The following SNTG2 variants were observed in gnomAD, a reference collection of about 807,000 sequenced individuals.
SNTG2 encodes gamma-2-syntrophin.
In SNTG2, 74 loss-of-function variants were observed where a neutral mutation model predicts 70.9. That is an observed-to-expected ratio of 1.04 (90% CI 0.86 to 1.27). SNTG2 has a LOEUF of 1.27. Among genes scored for constraint, SNTG2 ranks in the 50% most tolerant of loss-of-function variants. SNTG2 has a pLI of 0.00. For missense variants in SNTG2, 717 were observed against 690.7 expected, an observed-to-expected ratio of 1.04 and a Z score of -0.43; for synonymous variants, 278 against 273.8, an observed-to-expected ratio of 1.02 and a Z score of -0.15.
rs570171643 is a variant in SNTG2 at position 1,356,133 on chromosome 2, A to G, written c.1489-11210A>G. ...TTGTAGGTATTTTCTCCTGTACCATAGGTTGCATTTACACTCTTCTGATTG... is the reference window on the plus strand; with the variant it reads ...TTGTAGGTATTTTCTCCTGTACCATGGGTTGCATTTACACTCTTCTGATTG... On this transcript the variant is annotated intron_variant, in intron 16 of 16. Transcript: ENST00000308624. 2.0e-5 allele frequency among the ~76,000 whole-genome samples: 3 copies of G among 152,294 alleles called. No individual in the cohort carries two copies. The South Asian group carries it at 6.2e-4, about 32-fold the overall frequency.
chr2:1,278,421 G>A (rs921419841), intron 14 of SNTG2, among the ~76,000 whole-genome samples: 37 of 152,238 alleles, frequency 2.4e-4, no homozygotes, highest in African/African-American at 8.9e-4. Context: ...GTGCTAGTGA[G>A]GTCTGCTGTT....
chr2:1,275,575 T>C (rs1679233661), intron 14 of SNTG2, among the ~76,000 whole-genome samples: 1 of 152,256 alleles, frequency 6.6e-6, no homozygotes, highest in Admixed American at 6.5e-5. Flanking sequence ...TGTGTTCTGA[T>C]TGCTCCACTG....
chr2:1,113,659 CAT>C (rs1666692284), intron 4 of SNTG2, among the ~76,000 whole-genome samples: 1 of 148,934 alleles, frequency 6.7e-6, no homozygotes, highest in South Asian at 2.1e-4. Context: ...TGAGGAGGAT[CAT>C]GTGTACTAAG....
intron 12 of SNTG2, among the ~76,000 whole-genome samples, chr2:1,251,429 C>T (rs1558597649): frequency 6.7e-6 from 1 of 149,562 alleles, no homozygotes; most frequent in Non-Finnish European, 1.5e-5. Context: ...CATGCACACA[C>T]CACACACCAC....
chr2:1,323,740 G>C (rs1208082850), intron 16 of SNTG2, among the ~76,000 whole-genome samples: 1 of 150,404 alleles, frequency 6.6e-6, no homozygotes, highest in Non-Finnish European at 1.5e-5. Flanking sequence ...CCCCCACCCA[G>C]TAGTGTGGGA....
At chr2:1,006,981 A>T (rs1382921170) in intron 1 of SNTG2, among the ~76,000 whole-genome samples, 2 of 152,158 alleles carry the variant, frequency 1.3e-5, no homozygotes, top group Admixed American at 1.3e-4. Flanking sequence ...GTGAGCCGAG[A>T]TTGTGCCACT....
chr2:1,311,959 A>C lies in SNTG2; in HGVS notation c.1377+3373A>C, dbSNP rs990264352. Among the ~76,000 whole-genome samples, 12 of 152,152 alleles carry C rather than the reference A, an allele frequency of 7.9e-5. No individual in the cohort carries two copies. The East Asian group carries it at 2.3e-3, about 30-fold the overall frequency. On this transcript the variant is annotated intron_variant, in intron 15 of 16. Coordinates refer to ENST00000308624, the MANE Select transcript of SNTG2 (RefSeq NM_018968.4). ...GTTCTGGACTTGGGAGGCCAACCCA[A>C]CTCATTTGCAGGGACATCCTCCTTC...
At chr2:973,544 T>A (rs1660814645) in intron 1 of SNTG2, among the ~76,000 whole-genome samples, 2 of 151,484 alleles carry the variant, frequency 1.3e-5, no homozygotes, top group African/African-American at 2.4e-5. Context: ...ATATATATTT[T>A]TTTTTACTTG....
Position 1,239,862 on chromosome 2 carries a change from G to T in SNTG2, c.888+86G>T, listed in dbSNP as rs533380812. ...TTCATGATGTAACACATCTCGAAAA[G>T]CAGTCTCTGGTTTTTTGAAATTTGA... On this transcript the variant is annotated intron_variant, in intron 11 of 16. Coordinates refer to ENST00000308624, the MANE Select transcript of SNTG2 (RefSeq NM_018968.4). 8 of 1,489,088 alleles carry T rather than the reference G, an allele frequency of 5.4e-6. No individual in the cohort carries two copies. The African/African-American group carries it at 9.7e-5, about 18-fold the overall frequency. The allele number at this position is 1,489,088 out of a possible 1,614,324, so 92.2% of individuals were successfully genotyped here. A position where few individuals can be genotyped will look rare whatever the true frequency, so the allele number is the denominator to read the frequency against.
intron 13 of SNTG2, among the ~76,000 whole-genome samples, chr2:1,263,731 T>A (rs1259443695): frequency 6.6e-6 from 1 of 152,236 alleles, no homozygotes; most frequent in Non-Finnish European, 1.5e-5. Flanking sequence ...TGAACTCATG[T>A]GAATCCGGGA....
At chr2:1,253,753 A>G (rs1677894236) in intron 12 of SNTG2, among the ~76,000 whole-genome samples, 2 of 152,218 alleles carry the variant, frequency 1.3e-5, no homozygotes, top group Non-Finnish European at 2.9e-5. Flanking sequence ...CAGTTCCGCA[A>G]GCTGTACAGG....
At chr2:1,263,683 C>T (rs1045933050) in intron 13 of SNTG2, among the ~76,000 whole-genome samples, 1 of 152,120 alleles carries the variant, frequency 6.6e-6, no homozygotes, top group Non-Finnish European at 1.5e-5. Flanking sequence ...CCTGGCTCAG[C>T]ATTGCCTTAG....
At position 1,250,831 on chromosome 2, in the gene SNTG2, G is replaced by C. The variant is rs552395236; in HGVS notation, c.1005+3388G>C. Reference sequence around the variant, plus strand: ...GTCCCTCAGAGACAGTTTCATCTTTGGTGTGGGAAACTGTGCCTTATCTTG... The same window carrying C: ...GTCCCTCAGAGACAGTTTCATCTTTCGTGTGGGAAACTGTGCCTTATCTTG... On this transcript the variant is annotated intron_variant, in intron 12 of 16. Transcript: ENST00000308624. Among the ~76,000 whole-genome samples, 6 of 152,214 alleles carry C rather than the reference G, an allele frequency of 3.9e-5. No individual in the cohort carries two copies. The South Asian group carries it at 1.2e-3, about 32-fold the overall frequency.
chr2:1,076,983 A>T (rs1400754583), intron 1 of SNTG2, among the ~76,000 whole-genome samples: 3 of 152,146 alleles, frequency 2.0e-5, no homozygotes, highest in Admixed American at 6.6e-5. Context: ...GTAATTCTTA[A>T]TATATTAGTT....
chr2:1,314,336 A>T (rs1383160702), intron 15 of SNTG2, among the ~76,000 whole-genome samples: 2 of 152,230 alleles, frequency 1.3e-5, no homozygotes, highest in Non-Finnish European at 2.9e-5. Context: ...ATGATGGATA[A>T]TAGGTCCTTT....
chr2:1,102,984 C>CG (rs1665880024), intron 4 of SNTG2, among the ~76,000 whole-genome samples: 2 of 152,206 alleles, frequency 1.3e-5, no homozygotes, highest in Non-Finnish European at 2.9e-5. Flanking sequence ...CTGATTGTAC[C>CG]GTTGAGGTGC....
rs578005515 is a variant in SNTG2, at chr2:972,974, T to G, written c.72+21906T>G. On this transcript the variant is annotated intron_variant, in intron 1 of 16. Transcript: ENST00000308624. ...ACAAGTATCTACTACTATGTGACAGTATACCATTTTAGTGTCTTGTAACAT... is the reference window on the plus strand; with the variant it reads ...ACAAGTATCTACTACTATGTGACAGGATACCATTTTAGTGTCTTGTAACAT... Among the ~76,000 whole-genome samples, 209 of 152,226 alleles carry G rather than the reference T, an allele frequency of 1.4e-3. 1 individual carries two copies. The highest frequency in any genetic ancestry group is 2.3e-3 in the Admixed American group (35 of 15,276).
chr2:1,007,915 TG>T (rs1659619728), intron 1 of SNTG2, among the ~76,000 whole-genome samples: 1 of 152,126 alleles, frequency 6.6e-6, no homozygotes, highest in Non-Finnish European at 1.5e-5. Flanking sequence ...CCACTGCACC[TG>T]GTTAATTTTA....
intron 4 of SNTG2, among the ~76,000 whole-genome samples, chr2:1,118,368 T>C (rs890344992): frequency 2.0e-5 from 3 of 152,082 alleles, no homozygotes; most frequent in Admixed American, 6.5e-5. Context: ...GCCACCATCA[T>C]TGTCCTGAAT....
Sources: allele counts gnomAD v4.1 joint callset (sites outside exome capture counted in the v4.1 genomes callset), GRCh38; gene constraint gnomAD v4.1.1; transcripts MANE v1.5; gene names NCBI Gene and HGNC (gene_info 2026-07-23, HGNC 2026-07-21).